The following SPAG16 variants were observed in gnomAD, a reference collection of about 807,000 sequenced individuals.
SPAG16 encodes sperm associated antigen 16.
In SPAG16, 86 loss-of-function variants were observed where a neutral mutation model predicts 80.4. The observed-to-expected ratio is 1.07, with a 90% CI of 0.90 to 1.28. The LOEUF (loss-of-function observed/expected upper bound fraction) is 1.28, where lower values mean the gene tolerates loss of function less well. Among genes scored for constraint, SPAG16 ranks in the 50% most tolerant of loss-of-function variants. SPAG16 has a pLI of 0.00. For synonymous variants in SPAG16, 294 were observed against 265.9 expected (o/e 1.11, Z -1.03); for missense variants, 870 against 765.3 (o/e 1.14, Z -1.61).
At chr2:213,574,334 C>T (rs16850468) in intron 10 of SPAG16, among the ~76,000 whole-genome samples, 2,966 of 152,054 alleles carry the variant, frequency 0.02, 86 homozygotes, top group African/African-American at 0.066. Context: ...GCTATTTATG[C>T]TGACTGGTTA....
At chr2:214,196,288 A>G (rs1418702997) in intron 15 of SPAG16, among the ~76,000 whole-genome samples, 1 of 152,038 alleles carries the variant, frequency 6.6e-6, no homozygotes, top group Admixed American at 6.6e-5. Flanking sequence ...TGGCATCTTA[A>G]GATCTTGATT....
intron 10 of SPAG16, among the ~76,000 whole-genome samples, chr2:213,497,336 T>A (rs1029510094): frequency 1.1e-4 from 17 of 152,148 alleles, no homozygotes; most frequent in Non-Finnish European, 7.4e-5. Flanking sequence ...TTATTTCAGA[T>A]TGTCTTTAGA....
chr2:214,377,826 C>T (rs1700219768), intron 15 of SPAG16, among the ~76,000 whole-genome samples: 1 of 152,180 alleles, frequency 6.6e-6, no homozygotes, highest in Non-Finnish European at 1.5e-5. Flanking sequence ...GCAGGTGTGG[C>T]AAGCACAATA....
intron 10 of SPAG16, among the ~76,000 whole-genome samples, chr2:213,609,190 C>T (rs1251340969): frequency 6.6e-6 from 1 of 152,094 alleles, no homozygotes; most frequent in Non-Finnish European, 1.5e-5. Context: ...AAATTAAAGC[C>T]AGAAAAATCC....
chr2:213,982,082 AG>A (rs2045777619), intron 12 of SPAG16, among the ~76,000 whole-genome samples: 1 of 151,398 alleles, frequency 6.6e-6, no homozygotes, highest in Non-Finnish European at 1.5e-5. Flanking sequence ...ATATGTCCTT[AG>A]TGAAATATAA....
At chr2:213,413,700 T>A (rs1408923177) in intron 9 of SPAG16, among the ~76,000 whole-genome samples, 2 of 152,280 alleles carry the variant, frequency 1.3e-5, no homozygotes, top group East Asian at 3.9e-4. Context: ...AAGTTGGTAG[T>A]GAGCTAAAAA....
intron 10 of SPAG16, among the ~76,000 whole-genome samples, chr2:213,856,079 T>C (rs2075152680): frequency 6.6e-6 from 1 of 152,194 alleles, no homozygotes; most frequent in Non-Finnish European, 1.5e-5. Flanking sequence ...AGTTAGTTAC[T>C]TCCTAGACAC....
chr2:213,932,185 TATATATATATATA>T (rs1559602607), intron 12 of SPAG16, among the ~76,000 whole-genome samples: 16 of 23,978 alleles, frequency 6.7e-4, no homozygotes, highest in African/African-American at 1.1e-3. Flanking sequence ...TATATATATA[TATATATATATATA>T]TTTGTTGTTG....
chr2:213,626,631 A>C (rs911330156), intron 10 of SPAG16, among the ~76,000 whole-genome samples: 1 of 145,682 alleles, frequency 6.9e-6, no homozygotes, highest in Non-Finnish European at 1.5e-5. Context: ...TATTATTACT[A>C]TCGGGCTCAA....
intron 12 of SPAG16, among the ~76,000 whole-genome samples, chr2:213,957,019 A>G (rs1381767193): frequency 2.6e-5 from 4 of 152,116 alleles, no homozygotes; most frequent in Non-Finnish European, 1.5e-5. Context: ...TTTTAAATCT[A>G]TTGAGATTTA....
At chr2:214,091,378 G>A (rs569746617) in intron 13 of SPAG16, among the ~76,000 whole-genome samples, 1 of 152,234 alleles carries the variant, frequency 6.6e-6, no homozygotes, top group East Asian at 1.9e-4. Flanking sequence ...AAGTCACACA[G>A]CTGGTCAGAA....
At chr2:213,713,240 C>T (rs1294748921) in intron 10 of SPAG16, among the ~76,000 whole-genome samples, 2 of 152,152 alleles carry the variant, frequency 1.3e-5, no homozygotes, top group African/African-American at 2.4e-5. Context: ...CACAGCCAAA[C>T]CATACCACTG....
At chr2:214,114,516 C>T (rs2053834203) in intron 14 of SPAG16, among the ~76,000 whole-genome samples, 1 of 152,188 alleles carries the variant, frequency 6.6e-6, no homozygotes, top group Admixed American at 6.5e-5. Flanking sequence ...GGTGGATGCC[C>T]CTCCCCCTGC....
chr2:213,359,533 A>G (rs1371769101), intron 7 of SPAG16, among the ~76,000 whole-genome samples: 1 of 152,198 alleles, frequency 6.6e-6, no homozygotes, highest in Non-Finnish European at 1.5e-5. Context: ...ATCTCAGACT[A>G]CAGTGCTAGC....
Position 213,490,108 on chromosome 2 carries a change from T to C in SPAG16, c.1070+18T>C, listed in dbSNP as rs770987799. 2 of 1,556,662 alleles carry C rather than the reference T, an allele frequency of 1.3e-6. No homozygotes were observed. Among genetic ancestry groups the C allele is most frequent in the Admixed American group, 4.2e-5 (2 of 47,902 alleles). On this transcript the variant is annotated intron_variant, in intron 10 of 15. Transcript: ENST00000331683. The stretch of plus-strand genomic sequence containing the variant: ...GTGAGCTGGTAGGATTTTTGATGTT[T>C]TATTAATACTTTTGAGATTTTATTT...
chr2:213,532,953 G>A (rs1288762331), intron 10 of SPAG16, among the ~76,000 whole-genome samples: 1 of 151,914 alleles, frequency 6.6e-6, no homozygotes, highest in African/African-American at 2.4e-5. Flanking sequence ...TAAGAAATGT[G>A]TTCATATTTT....
intron 4 of SPAG16, among the ~76,000 whole-genome samples, chr2:213,311,632 G>C (rs952084713): frequency 6.6e-6 from 1 of 151,618 alleles, no homozygotes; most frequent in Non-Finnish European, 1.5e-5. Flanking sequence ...TATGAGTTTA[G>C]AATATCGTGG....
At chr2:213,794,638 A>G (rs572579724) in intron 10 of SPAG16, among the ~76,000 whole-genome samples, 115 of 152,282 alleles carry the variant, frequency 7.6e-4, no homozygotes, top group Non-Finnish European at 9.6e-4. Context: ...ACTATAGTTC[A>G]GAGAATATAC....
intron 5 of SPAG16, among the ~76,000 whole-genome samples, chr2:213,333,807 G>T (rs181984968): frequency 7.2e-5 from 11 of 152,176 alleles, no homozygotes; most frequent in Admixed American, 3.3e-4. Context: ...ATATGAAGAA[G>T]AATCAAACTG....
Sources: allele counts gnomAD v4.1 joint callset (sites outside exome capture counted in the v4.1 genomes callset), GRCh38; gene constraint gnomAD v4.1.1; transcripts MANE v1.5; gene names NCBI Gene and HGNC (gene_info 2026-07-23, HGNC 2026-07-21).